Variants in NAALADL2 observed in about 807,000 individuals in gnomAD.
NAALADL2 encodes N-acetylated alpha-linked acidic dipeptidase like 2, also known as inactive N-acetylated-alpha-linked acidic dipeptidase-like protein 2.
Under a neutral mutation model 87.2 loss-of-function variants are expected in NAALADL2, and 76 were observed. The observed-to-expected ratio is 0.87, with a 90% confidence interval of 0.72 to 1.05. NAALADL2 has a LOEUF of 1.05. Ranked by LOEUF, NAALADL2 falls within the 50% of genes least tolerant of loss-of-function variation. NAALADL2 has a pLI of 0.00. For synonymous variants in NAALADL2, 354 were observed against 331.0 expected (o/e 1.07, Z -0.75); for missense variants, 1,089 against 945.8 (o/e 1.15, Z -1.99).
At chr3:175,709,114 G>A (rs1740160811) in intron 11 of NAALADL2, among the ~76,000 whole-genome samples, 1 of 152,014 alleles carries the variant, frequency 6.6e-6, no homozygotes, top group Admixed American at 6.6e-5. Flanking sequence ...TTCTACAGGG[G>A]CCATCGTACC....
intron 11 of NAALADL2, among the ~76,000 whole-genome samples, chr3:175,699,466 G>T (rs974688402): frequency 1.3e-4 from 19 of 151,884 alleles, no homozygotes; most frequent in African/African-American, 4.6e-4. Context: ...GAGGAATATA[G>T]GACATTAACT....
chr3:175,335,946 A>G (rs1294274286), intron 5 of NAALADL2, among the ~76,000 whole-genome samples: 1 of 152,150 alleles, frequency 6.6e-6, no homozygotes, highest in Non-Finnish European at 1.5e-5. Flanking sequence ...TGTCTGCTGG[A>G]AACGTGTCAG....
intron 4 of NAALADL2, among the ~76,000 whole-genome samples, chr3:175,293,063 AG>A (rs1560303196): frequency 3.4e-5 from 5 of 148,014 alleles, no homozygotes; most frequent in Non-Finnish European, 6.0e-5. Flanking sequence ...AAAAAAAAAA[AG>A]GGGGAACTCG....
At chr3:175,071,816 A>T (rs1001403088) in intron 1 of NAALADL2, among the ~76,000 whole-genome samples, 2 of 152,060 alleles carry the variant, frequency 1.3e-5, no homozygotes, top group African/African-American at 4.8e-5. Flanking sequence ...GAGCAATGAA[A>T]AACATGAAAA....
intron 2 of NAALADL2, among the ~76,000 whole-genome samples, chr3:174,669,078 C>G (rs1473619166): frequency 6.6e-6 from 1 of 152,202 alleles, no homozygotes; most frequent in Non-Finnish European, 1.5e-5. Context: ...CTCTCCAGCA[C>G]CTGTTGTTTC....
intron 2 of NAALADL2, among the ~76,000 whole-genome samples, chr3:175,171,111 G>T (rs902881752): frequency 6.6e-6 from 1 of 151,812 alleles, no homozygotes; most frequent in Non-Finnish European, 1.5e-5. Context: ...ATATGGTGTT[G>T]TCATACCTTT....
intron 10 of NAALADL2, among the ~76,000 whole-genome samples, chr3:175,600,803 C>T (rs1439963621): frequency 1.4e-4 from 21 of 152,056 alleles, no homozygotes; most frequent in Non-Finnish European, 2.9e-4. Context: ...TCCCAAAGTG[C>T]TGGGATTACA....
At chr3:175,022,339 G>C (rs1419084606) in intron 1 of NAALADL2, among the ~76,000 whole-genome samples, 1 of 152,010 alleles carries the variant, frequency 6.6e-6, no homozygotes, top group African/African-American at 2.4e-5. Context: ...CCGGGGCTCT[G>C]TGTTCTAATA....
rs546515257 is a variant in NAALADL2, at chr3:174,827,750, A to AT, written c.-9+90007dup. Among the ~76,000 whole-genome samples the AT allele has an allele frequency of 8.5e-5, 13 of 152,306 alleles. No homozygotes were observed. In the South Asian group the frequency reaches 2.7e-3, roughly 32 times the overall value. The stretch of plus-strand genomic sequence containing the variant: ...AATACTTTAAAATCTAGCCTTATAG[A>AT]TTTACTGGAGATTAAGCTTTACTGG... On this transcript the variant is annotated intron_variant, in intron 3 of 3. Coordinates refer to the NAALADL2 transcript ENST00000434257.
rs1275710965 is a variant in NAALADL2 at position 174,898,938 on chromosome 3, T to A, written c.43+39488T>A. Reference sequence around the variant, plus strand: ...GACTTGAGTAGTAGTTGCATGGGTGTTCACTTGTCATTAATCATTCAGCCG... The same window carrying A: ...GACTTGAGTAGTAGTTGCATGGGTGATCACTTGTCATTAATCATTCAGCCG... On this transcript the variant is annotated intron_variant, in intron 1 of 13. Transcript: ENST00000454872. 2.6e-5 allele frequency among the ~76,000 whole-genome samples: 4 copies of A among 152,174 alleles called. No homozygotes were observed. In the East Asian group the frequency reaches 7.7e-4, roughly 29 times the overall value.
At chr3:174,441,855 T>C (rs1025231823) in intron 1 of NAALADL2, among the ~76,000 whole-genome samples, 13 of 152,088 alleles carry the variant, frequency 8.5e-5, no homozygotes, top group African/African-American at 3.1e-4. Context: ...GTCCTTAAGC[T>C]GTCTTTATTT....
chr3:174,545,899 T>C (rs1438081589), intron 1 of NAALADL2, among the ~76,000 whole-genome samples: 1 of 150,942 alleles, frequency 6.6e-6, no homozygotes, highest in Admixed American at 6.6e-5. Context: ...TGGTATTCTG[T>C]TTTTGTTTTA....
In NAALADL2 at chr3:174,722,704, ATAAATAAT is replaced by A. The variant is rs373051127; in HGVS notation, c.-114-14929_-114-14922del. ...GCGATAGAGTGAGACTTCATCCCAA[ATAAATAAT>A]TAAATAAGGTAGGATGGAAATATTT... On this transcript the variant is annotated intron_variant, in intron 2 of 3. Coordinates refer to the NAALADL2 transcript ENST00000434257. Among the ~76,000 whole-genome samples, 778 of 152,366 alleles carry A rather than the reference ATAAATAAT, an allele frequency of 5.1e-3. 10 individuals carry two copies. The highest frequency in any genetic ancestry group is 0.017 in the African/African-American group (725 of 41,592).
chr3:175,438,197 C>T (rs913357892), intron 5 of NAALADL2, among the ~76,000 whole-genome samples: 6 of 152,146 alleles, frequency 3.9e-5, no homozygotes, highest in Admixed American at 3.9e-4. Context: ...AAGTACGTTT[C>T]CATTTTAAAT....
chr3:175,490,049 C>T (rs1200196569), intron 9 of NAALADL2, among the ~76,000 whole-genome samples: 2 of 152,124 alleles, frequency 1.3e-5, no homozygotes, highest in African/African-American at 2.4e-5. Context: ...ACTTAATCAT[C>T]GCGGCCCATC....
upstream of NAALADL2, among the ~76,000 whole-genome samples, chr3:174,857,870 C>G (rs1726028247): frequency 6.6e-6 from 1 of 151,972 alleles, no homozygotes; most frequent in African/African-American, 2.4e-5. Flanking sequence ...CAATTGCAAT[C>G]AGAAATTTTT....
chr3:175,356,480 TG>T (rs1361380441), intron 5 of NAALADL2, among the ~76,000 whole-genome samples: 1 of 150,996 alleles, frequency 6.6e-6, no homozygotes, highest in Non-Finnish European at 1.5e-5. Flanking sequence ...GAGGTTGAGG[TG>T]GGAGGATTGT....
intron 2 of NAALADL2, among the ~76,000 whole-genome samples, chr3:174,684,706 C>G (rs982834591): frequency 6.6e-6 from 1 of 152,050 alleles, no homozygotes; most frequent in East Asian, 1.9e-4. Context: ...ATAGGACAGG[C>G]AGTTTTTGAT....
intron 5 of NAALADL2, among the ~76,000 whole-genome samples, chr3:175,389,645 AC>A (rs1366589775): frequency 6.6e-6 from 1 of 152,208 alleles, no homozygotes; most frequent in East Asian, 1.9e-4. Context: ...TTCCTATTTT[AC>A]CTTGAAAATG....
Sources: gnomAD v4.1 joint callset for allele counts (sites outside exome capture counted in the v4.1 genomes callset) on GRCh38, gnomAD v4.1.1 for gene constraint, MANE v1.5 for transcripts, NCBI Gene and HGNC (gene_info 2026-07-23, HGNC 2026-07-21) for gene names.